Variants in TMEM67 observed in about 807,000 individuals in gnomAD.
TMEM67 encodes the protein meckelin.
Under a neutral mutation model 136.6 loss-of-function variants are expected in TMEM67, and 124 were observed. That is an observed-to-expected ratio of 0.91 (90% CI 0.78 to 1.05). The LOEUF (loss-of-function observed/expected upper bound fraction) is 1.05. Ranked by LOEUF, TMEM67 falls within the 50% of genes least tolerant of loss-of-function variation. The probability of loss-of-function intolerance (pLI) is 0.00; values close to 1 mark genes in which losing one functional copy is unlikely to be tolerated. For synonymous variants in TMEM67, 364 were observed against 390.5 expected, an observed-to-expected ratio of 0.93 and a Z score of 0.80; for missense variants, 1,107 against 1,178.4, an observed-to-expected ratio of 0.94 and a Z score of 0.89.
At chr8:93,795,359 G>T (rs1430850720) in intron 16 of TMEM67, 50 bp from the exon 17 acceptor site, 2 of 1,403,264 alleles carry the variant, frequency 1.4e-6, no homozygotes, top group South Asian at 2.3e-5. Flanking sequence ...ACTAAAAGTG[G>T]TATATACATG....
At position 93,781,700 on chromosome 8, in the gene TMEM67, G is replaced by C. The variant is rs1813836795; in HGVS notation, c.1021G>C (p.Gly341Arg). Residue 341 changes from glycine (G) to arginine (R), a missense_variant, in exon 10 of 28, where the codon GGA (glycine) becomes CGA (arginine). Physicochemically the swap from Gly to Arg is moderately radical, Grantham distance 125. Around this residue, in one of 3 missense-constraint regions of TMEM67, gnomAD observed 925 missense variants for 1,002.4 expected, o/e 0.92. Transcript: ENST00000453321. Reference sequence around the variant, plus strand: ...TGTTGCTGCTTCCTATGATATAAGAGGAAATTTTCTCAAGTGGCAAACTTT... The same window carrying C: ...TGTTGCTGCTTCCTATGATATAAGACGAAATTTTCTCAAGTGGCAAACTTT... ...KFVAASYDIR[G>R]NFLKWQTLEG... 1 of 1,610,432 alleles carries C rather than the reference G, an allele frequency of 6.2e-7. No individual in the cohort carries two copies. Among genetic ancestry groups the C allele is most frequent in the African/African-American group, 1.3e-5 (1 of 74,806 alleles).
intron 14 of TMEM67, among the ~76,000 whole-genome samples, chr8:93,788,989 G>T (rs1207638264): frequency 6.6e-6 from 1 of 151,778 alleles, no homozygotes; most frequent in African/African-American, 2.4e-5. Flanking sequence ...AGGGATAGAG[G>T]TAAAAAAAAA....
At chr8:93,792,211 G>A (rs1245368027) in intron 15 of TMEM67, among the ~76,000 whole-genome samples, 1 of 151,104 alleles carries the variant, frequency 6.6e-6, no homozygotes, top group Non-Finnish European at 1.5e-5. Flanking sequence ...TCACTCTGTC[G>A]CCCAGTCTGG....
downstream of TMEM67, among the ~76,000 whole-genome samples, chr8:93,823,736 G>T (rs1470147448): frequency 6.6e-6 from 1 of 152,124 alleles, no homozygotes; most frequent in African/African-American, 2.4e-5. Context: ...TTTACTTAGA[G>T]TCAAGAATAT....
chr8:93,824,666 A>G, the TMEM67 span, among the ~76,000 whole-genome samples: 2 of 152,150 alleles, frequency 1.3e-5, no homozygotes, highest in Non-Finnish European at 2.9e-5. Flanking sequence ...TTTCCTTTGC[A>G]TATGATCATA....
At chr8:93,796,814 C>T (rs919593932) in intron 18 of TMEM67, among the ~76,000 whole-genome samples, 1 of 152,068 alleles carries the variant, frequency 6.6e-6, no homozygotes, top group Non-Finnish European at 1.5e-5. Context: ...CTTCTAGAAT[C>T]TTTGGGAAAG....
chr8:93,765,674 G>C (rs1813053372), intron 6 of TMEM67, 28 bp downstream of exon 6: 2 of 1,528,570 alleles, frequency 1.3e-6, no homozygotes, highest in Non-Finnish European at 1.8e-6. Flanking sequence ...TTTTTGTTCT[G>C]TTGTTAAAAA....
intron 7 of TMEM67, among the ~76,000 whole-genome samples, chr8:93,773,007 A>T (rs1004588442): frequency 6.6e-6 from 1 of 152,204 alleles, no homozygotes; most frequent in Admixed American, 6.5e-5. Flanking sequence ...AGCCTAAGTA[A>T]ATGTCAGGTT....
chr8:93,798,469 A>G, intron 20 of TMEM67, among the ~76,000 whole-genome samples: 1 of 152,240 alleles, frequency 6.6e-6, no homozygotes, highest in Non-Finnish European at 1.5e-5. Context: ...ACACTGAACA[A>G]AACACAACAT....
chr8:93,823,404 A>AT (rs1285837122), downstream of TMEM67, among the ~76,000 whole-genome samples: 167 of 145,184 alleles, frequency 1.2e-3, no homozygotes, highest in African/African-American at 1.7e-3. Flanking sequence ...TAGGACCTGG[A>AT]TTTTTTTTTT....
intron 16 of TMEM67, among the ~76,000 whole-genome samples, chr8:93,794,376 A>ATATT (rs1422032537): frequency 2.0e-5 from 3 of 152,178 alleles, no homozygotes; most frequent in Admixed American, 6.5e-5. Context: ...CATTTAAAAA[A>ATATT]TATTTACCAT....
At chr8:93,808,237 C>G (rs1815244357) in intron 23 of TMEM67, among the ~76,000 whole-genome samples, 2 of 144,514 alleles carry the variant, frequency 1.4e-5, no homozygotes, top group Non-Finnish European at 3.0e-5. Flanking sequence ...ATATGCTCTA[C>G]TTAAATATAT....
At chr8:93,783,979 A>G (rs1437019468) in intron 11 of TMEM67, among the ~76,000 whole-genome samples, 2 of 152,224 alleles carry the variant, frequency 1.3e-5, no homozygotes, top group African/African-American at 4.8e-5. Context: ...ATATCAATTC[A>G]TTAGTCTGTA....
chr8:93,788,210 C>A (rs1196543934), intron 14 of TMEM67, among the ~76,000 whole-genome samples: 1 of 152,068 alleles, frequency 6.6e-6, no homozygotes, highest in African/African-American at 2.4e-5. Flanking sequence ...TGTTAGGGAT[C>A]CTGGGATATG....
At position 93,809,152 on chromosome 8, in the gene TMEM67, C is replaced by CA. The variant is rs1563481664; in HGVS notation, c.2653dup (p.Ile885AsnfsTer2). 7 of 1,559,952 alleles carry CA rather than the reference C, an allele frequency of 4.5e-6. No individual in the cohort carries two copies. Among genetic ancestry groups the CA allele is most frequent in the Non-Finnish European group, 6.2e-6 (7 of 1,131,616 alleles). On this transcript the variant is annotated frameshift_variant, in exon 25 of 28. Transcript: ENST00000453321. LOFTEE classifies it high-confidence loss of function. ...TGATGAATAAATTTCTTGGCTCCTTCATTGACCATGTATGTATGTCAACAT... is the reference window on the plus strand; with the variant it reads ...TGATGAATAAATTTCTTGGCTCCTTCAATTGACCATGTATGTATGTCAACAT...
chr8:93,809,090 G>A lies in TMEM67; in HGVS notation c.2590G>A (p.Ala864Thr). 6.2e-7 allele frequency: 1 copy of A among 1,611,412 alleles called. No homozygotes were observed. Among genetic ancestry groups the A allele is most frequent in the South Asian group, 1.1e-5 (1 of 91,028 alleles). The change falls in exon 25 of 28, where the codon GCA becomes ACA. Residue 864 changes from alanine to threonine, a missense_variant. Coordinates refer to ENST00000453321, the MANE Select transcript of TMEM67 (RefSeq NM_153704.6). ...TCCTGCTAGACTACTGAGTTCATCA[G>A]CAAGTACTTTTGAGCAGAGTATAAA... ...NGPARLLSSS[A>T]STFEQSIKAY...
the TMEM67 span, among the ~76,000 whole-genome samples, chr8:93,829,541 G>A: frequency 6.6e-6 from 1 of 152,068 alleles, no homozygotes; most frequent in African/African-American, 2.4e-5. Context: ...TGCAGCCAGG[G>A]GCCTCTTCTC....
At chr8:93,800,002 G>T (rs1384434650) in intron 21 of TMEM67, among the ~76,000 whole-genome samples, 8 of 151,096 alleles carry the variant, frequency 5.3e-5, no homozygotes, top group African/African-American at 2.0e-4. Flanking sequence ...CTGCCTTCCG[G>T]GTTCAAGCAA....
chr8:93,809,270 C>A (rs1481892956), intron 25 of TMEM67, 109 bp downstream of exon 25: 1 of 738,064 alleles, frequency 1.4e-6, no homozygotes, highest in Non-Finnish European at 2.5e-6. Context: ...AAACTTAGAA[C>A]CCCCACCTTA....
Sources: gnomAD v4.1 joint callset for allele counts (sites outside exome capture counted in the v4.1 genomes callset) on GRCh38, gnomAD v4.1.1 for gene constraint, gnomAD v4.1.1 regional missense constraint, MANE v1.5 for transcripts, NCBI Gene and HGNC (gene_info 2026-07-23, HGNC 2026-07-21) for gene names.